DCC: variants seen among roughly 807,000 people sequenced by gnomAD.
DCC encodes the protein netrin receptor DCC.
In DCC, 58 loss-of-function variants were observed where a neutral mutation model predicts 172.5. The ratio of observed to expected loss-of-function variants is 0.34; its 90% CI spans 0.27 to 0.42. The LOEUF (loss-of-function observed/expected upper bound fraction) is 0.42. DCC is among the 10% of genes least tolerant of loss of function. The probability of loss-of-function intolerance (pLI) is 1.00; values close to 1 mark genes in which losing one functional copy is unlikely to be tolerated. For missense variants in DCC, 1,740 were observed against 1,791.0 expected, an observed-to-expected ratio of 0.97 and a Z score of 0.51; for synonymous variants, 709 against 644.5, an observed-to-expected ratio of 1.10 and a Z score of -1.52.
chr18:52,866,926 A>G (rs2039238014), intron 2 of DCC, among the ~76,000 whole-genome samples: 1 of 152,194 alleles, frequency 6.6e-6, no homozygotes, highest in African/African-American at 2.4e-5. Flanking sequence ...GTTGAATAAG[A>G]GTCGTGAGAG....
intron 5 of DCC, among the ~76,000 whole-genome samples, chr18:53,000,212 GAA>G (rs142576319): frequency 1.1e-3 from 171 of 152,158 alleles, no homozygotes; most frequent in African/African-American, 3.7e-3. Flanking sequence ...TAGAATACCT[GAA>G]AGGCTTAATC....
chr18:52,935,377 A>G (rs1009127666), intron 5 of DCC, among the ~76,000 whole-genome samples: 2 of 152,088 alleles, frequency 1.3e-5, no homozygotes, highest in African/African-American at 4.8e-5. Context: ...TATCAATTTA[A>G]TAGTAAATAT....
chr18:53,526,758 AT>A lies in DCC; in HGVS notation c.4254del (p.Asn1418LysfsTer8). The part of the protein sequence containing the change: ...ESHKPTEDSA[N>X]VYEQDDLSEQ... ...CACAAACCAACAGAGGATTCAGCCA[AT>A]GTAAGGGCATCTTTAAAATTCATGC... On this transcript the variant is annotated frameshift_variant and splice_region_variant, in exon 28 of 29. Coordinates refer to ENST00000442544, the MANE Select transcript of DCC (RefSeq NM_005215.4). LOFTEE classifies it high-confidence loss of function. 2 of 1,613,324 alleles carry A rather than the reference AT, an allele frequency of 1.2e-6. No homozygotes were observed. Among genetic ancestry groups the A allele is most frequent in the Non-Finnish European group, 1.7e-6 (2 of 1,179,542 alleles).
chr18:52,587,739 C>A (rs530625646), intron 1 of DCC, among the ~76,000 whole-genome samples: 1 of 152,180 alleles, frequency 6.6e-6, no homozygotes, highest in East Asian at 1.9e-4. Context: ...GGCTGTAGTG[C>A]TGCAGCTGTC....
intron 12 of DCC, among the ~76,000 whole-genome samples, chr18:53,230,990 GT>G (rs11438211): frequency 6.6e-6 from 1 of 150,604 alleles, no homozygotes; most frequent in Admixed American, 6.6e-5. Context: ...TAAAATTGGT[GT>G]TTTTTTTTCT....
intron 8 of DCC, among the ~76,000 whole-genome samples, chr18:53,178,317 T>C (rs1449945997): frequency 2.0e-5 from 3 of 152,232 alleles, no homozygotes; most frequent in Admixed American, 6.5e-5. Flanking sequence ...AGGAAGTTTT[T>C]AGTTTATAAA....
Position 53,459,294 on chromosome 18 carries a change from A to T in DCC, c.3455A>T (p.Asp1152Val). Reference sequence around the variant, plus strand: ...AGCCAGAAGGACCTCCGACCCCCTGATCTTTGGATCCATCATGAAGAAATG... The same window carrying T: ...AGCCAGAAGGACCTCCGACCCCCTGTTCTTTGGATCCATCATGAAGAAATG... ...KGSQKDLRPP[D>V]LWIHHEEMEM... The change falls in exon 24 of 29, where the codon GAT becomes GTT. Residue 1152 changes from aspartate (D) to valine (V), a missense_variant. Around this residue, in one of 2 missense-constraint regions of DCC, gnomAD observed 1,732 missense variants for 1,767.4 expected, o/e 0.98. Transcript: ENST00000442544. 6.2e-7 allele frequency: 1 copy of T among 1,614,090 alleles called. No individual in the cohort carries two copies. Among genetic ancestry groups the T allele is most frequent in the Non-Finnish European group, 8.5e-7 (1 of 1,179,992 alleles).
chr18:53,286,909 C>T (rs1025502031), intron 12 of DCC, among the ~76,000 whole-genome samples: 2 of 152,150 alleles, frequency 1.3e-5, no homozygotes, highest in African/African-American at 4.8e-5. Context: ...TATAACAAGA[C>T]TGGCAATATA....
At chr18:53,070,550 C>T (rs967280247) in intron 7 of DCC, among the ~76,000 whole-genome samples, 1 of 152,106 alleles carries the variant, frequency 6.6e-6, no homozygotes, top group South Asian at 2.1e-4. Flanking sequence ...CCACTTGGGC[C>T]CTGATTTGTT....
At chr18:52,991,108 T>C (rs192246575) in intron 5 of DCC, among the ~76,000 whole-genome samples, 1 of 152,310 alleles carries the variant, frequency 6.6e-6, no homozygotes, top group African/African-American at 2.4e-5. Context: ...TATGGCTCGA[T>C]TGTGGACCCA....
intron 1 of DCC, among the ~76,000 whole-genome samples, chr18:52,647,717 G>T (rs180953937): frequency 5.9e-5 from 9 of 152,290 alleles, no homozygotes; most frequent in African/African-American, 2.2e-4. Flanking sequence ...TGTCAGTTCA[G>T]GGGGAAAGGT....
intron 5 of DCC, chr18:52,940,928 C>G (rs950278): frequency 0.4 from 61,348 of 151,884 alleles, 12,877 homozygotes; most frequent in Non-Finnish European, 0.47. Context: ...GTTCAAAGTT[C>G]TACTGAGTAC....
intron 1 of DCC, among the ~76,000 whole-genome samples, chr18:52,374,164 T>C (rs1985248141): frequency 6.6e-6 from 1 of 152,082 alleles, no homozygotes; most frequent in African/African-American, 2.4e-5. Flanking sequence ...AGTGCTGGGA[T>C]TACAGACATG....
At chr18:52,434,195 T>C (rs1402879882) in intron 1 of DCC, among the ~76,000 whole-genome samples, 1 of 152,236 alleles carries the variant, frequency 6.6e-6, no homozygotes, top group Non-Finnish European at 1.5e-5. Context: ...GTTAGCTGGC[T>C]ATAATTAGAT....
intron 7 of DCC, among the ~76,000 whole-genome samples, chr18:53,134,489 C>T (rs140770414): frequency 6.6e-6 from 1 of 152,190 alleles, no homozygotes; most frequent in African/African-American, 2.4e-5. Context: ...GAGCCTTACA[C>T]TGTTCTTAAA....
intron 21 of DCC, among the ~76,000 whole-genome samples, chr18:53,418,915 C>A (rs537969637): frequency 3.9e-5 from 6 of 152,270 alleles, no homozygotes; most frequent in African/African-American, 1.4e-4. Context: ...ATTTTTAAAA[C>A]TTTCTAATCT....
At chr18:53,173,292 A>G (rs1325695590) in intron 8 of DCC, among the ~76,000 whole-genome samples, 1 of 152,126 alleles carries the variant, frequency 6.6e-6, no homozygotes, top group African/African-American at 2.4e-5. Flanking sequence ...GCCTTCCAGA[A>G]ACTTCATACT....
At chr18:53,440,956 T>A (rs1912234628) in intron 22 of DCC, among the ~76,000 whole-genome samples, 3 of 152,230 alleles carry the variant, frequency 2.0e-5, no homozygotes, top group African/African-American at 7.2e-5. Context: ...AGCATTAACA[T>A]GTAAGATTGG....
intron 2 of DCC, among the ~76,000 whole-genome samples, chr18:52,822,424 A>G (rs1219872733): frequency 6.6e-6 from 1 of 152,208 alleles, no homozygotes; most frequent in African/African-American, 2.4e-5. Context: ...CAAGAAGTCT[A>G]TTTATAGCTC....
Sources: gnomAD v4.1 joint callset for allele counts (sites outside exome capture counted in the v4.1 genomes callset) on GRCh38, gnomAD v4.1.1 for gene constraint, gnomAD v4.1.1 regional missense constraint, MANE v1.5 for transcripts, NCBI Gene and HGNC (gene_info 2026-07-23, HGNC 2026-07-21) for gene names.